The following ANK2 variants were observed in gnomAD, a reference collection of about 807,000 sequenced individuals.
The protein encoded by ANK2 is ankyrin 2.
In ANK2, 83 loss-of-function variants were observed where a neutral mutation model predicts 360.5. The observed-to-expected ratio is 0.23, with a 90% CI of 0.19 to 0.28. The LOEUF is 0.28. Among genes scored for constraint, ANK2 ranks in the 10% least tolerant of loss-of-function variants. The pLI, the probability that ANK2 is intolerant of heterozygous loss-of-function variation, is 1.00. For synonymous variants in ANK2, 1,740 were observed against 1,759.5 expected, an observed-to-expected ratio of 0.99 and a Z score of 0.28; for missense variants, 4,201 against 4,795.7, an observed-to-expected ratio of 0.88 and a Z score of 3.66.
the ANK2 span, among the ~76,000 whole-genome samples, chr4:112,795,737 C>T: frequency 1.3e-5 from 2 of 150,736 alleles, no homozygotes; most frequent in South Asian, 2.1e-4. Flanking sequence ...CTCCTGACCT[C>T]GTGATCCACC....
chr4:112,914,239 G>A (rs898684411), intron 2 of ANK2, among the ~76,000 whole-genome samples: 5 of 152,098 alleles, frequency 3.3e-5, no homozygotes, highest in Admixed American at 6.5e-5. Flanking sequence ...AGATAATAAT[G>A]AAAAACCCAT....
chr4:113,033,300 A>G (rs1475136909), intron 2 of ANK2, among the ~76,000 whole-genome samples: 1 of 151,998 alleles, frequency 6.6e-6, no homozygotes, highest in African/African-American at 2.4e-5. Flanking sequence ...AGACACTGCA[A>G]TTCAGGAAAA....
chr4:112,832,045 G>C (rs931323720), intron 1 of ANK2, among the ~76,000 whole-genome samples: 7 of 152,156 alleles, frequency 4.6e-5, no homozygotes, highest in African/African-American at 1.7e-4. Flanking sequence ...AAGTCAGCGA[G>C]ACCAAGAACC....
chr4:112,731,119 G>A, the ANK2 span, among the ~76,000 whole-genome samples: 2 of 150,612 alleles, frequency 1.3e-5, no homozygotes, highest in East Asian at 1.9e-4. Flanking sequence ...CCAGTCTGGC[G>A]ACAGAGCAAG....
At chr4:113,317,948 G>A in intron 25 of ANK2, 139 bp downstream of exon 25, 3 of 790,490 alleles carry the variant, frequency 3.8e-6, no homozygotes, top group Non-Finnish European at 6.4e-6. Flanking sequence ...TAAGAGATTT[G>A]AGGGTTTTCC....
At chr4:113,105,787 A>AC (rs2093549351) in intron 1 of ANK2, among the ~76,000 whole-genome samples, 1 of 152,178 alleles carries the variant, frequency 6.6e-6, no homozygotes. Flanking sequence ...ACCTGATCAT[A>AC]TTGTATTACT....
At chr4:113,024,441 T>C (rs1416206050) in intron 2 of ANK2, among the ~76,000 whole-genome samples, 1 of 152,158 alleles carries the variant, frequency 6.6e-6, no homozygotes, top group Non-Finnish European at 1.5e-5. Context: ...TTTTAAAGGA[T>C]ACAAAAATTT....
intron 26 of ANK2, among the ~76,000 whole-genome samples, chr4:113,327,540 C>T (rs561760297): frequency 6.6e-6 from 1 of 152,298 alleles, no homozygotes; most frequent in Non-Finnish European, 1.5e-5. Context: ...GTTGTACATT[C>T]GCTTATTCAA....
At chr4:113,209,124 C>T (rs1231498120) in intron 4 of ANK2, among the ~76,000 whole-genome samples, 2 of 151,882 alleles carry the variant, frequency 1.3e-5, no homozygotes, top group East Asian at 1.9e-4. Context: ...AGATGATTGA[C>T]ACTTTTATAC....
At chr4:112,923,918 T>C (rs1248677676) in intron 2 of ANK2, among the ~76,000 whole-genome samples, 1 of 152,230 alleles carries the variant, frequency 6.6e-6, no homozygotes, top group Admixed American at 6.5e-5. Context: ...AACACTTTAG[T>C]CGCACCTCTG....
At chr4:113,152,065 C>CAAAAAAAAAAAAAAAAAAA (rs1232657248) in intron 1 of ANK2, among the ~76,000 whole-genome samples, 1 of 62,316 alleles carries the variant, frequency 1.6e-5, no homozygotes, top group Non-Finnish European at 2.8e-5. Flanking sequence ...GTCTCTGTCT[C>CAAAAAAAAAAAAAAAAAAA]AAAAAAAAAA....
chr4:113,330,577 A>C, intron 27 of ANK2, 107 bp downstream of exon 27: 2 of 1,139,314 alleles, frequency 1.8e-6, no homozygotes, highest in Non-Finnish European at 2.6e-6. Context: ...ATTTTGAAAG[A>C]GGATCAGCAC....
At chr4:113,000,958 G>A (rs565988598) in intron 2 of ANK2, among the ~76,000 whole-genome samples, 80 of 152,256 alleles carry the variant, frequency 5.3e-4, no homozygotes, top group African/African-American at 1.9e-3. Context: ...TTGAGCTCAT[G>A]TCTGAGATAG....
chr4:112,769,154 G>A, the ANK2 span, among the ~76,000 whole-genome samples: 2 of 151,982 alleles, frequency 1.3e-5, no homozygotes, highest in African/African-American at 2.4e-5. Flanking sequence ...CATATGTCTC[G>A]TACATGCATA....
chr4:112,791,476 CTTCTTTT>C, the ANK2 span, among the ~76,000 whole-genome samples: 5 of 98,288 alleles, frequency 5.1e-5, no homozygotes, highest in African/African-American at 1.9e-4. Context: ...TCTTCTTCTT[CTTCTTTT>C]TTTTTTTTTT....
At chr4:112,779,907 G>T in the ANK2 span, among the ~76,000 whole-genome samples, 873 of 152,256 alleles carry the variant, frequency 5.7e-3, 5 homozygotes, top group African/African-American at 0.02. Context: ...TGTGCTCAGA[G>T]CCCCTTCCAC....
intron 2 of ANK2, among the ~76,000 whole-genome samples, chr4:113,030,803 G>A (rs886073584): frequency 1.3e-5 from 2 of 152,016 alleles, no homozygotes; most frequent in African/African-American, 2.4e-5. Flanking sequence ...AAAGAAGGCC[G>A]TAGATGAGTA....
At chr4:113,307,554 T>C (rs2077829082) in intron 23 of ANK2, among the ~76,000 whole-genome samples, 1 of 151,874 alleles carries the variant, frequency 6.6e-6, no homozygotes, top group South Asian at 2.1e-4. Flanking sequence ...ACTACAGGTG[T>C]ATGCCACCAT....
At position 113,353,070 on chromosome 4, in the gene ANK2, A is replaced by G. The variant is rs751407813; in HGVS notation, c.4452A>G (p.Thr1484=). 8.1e-6 allele frequency: 13 copies of G among 1,613,748 alleles called. No homozygotes were observed. Among genetic ancestry groups the G allele is most frequent in the Non-Finnish European group, 1.0e-5 (12 of 1,179,722 alleles). ...EKNDETESTE[T]SVLKSHLVNE... Reference sequence around the variant, plus strand: ...ATGATGAGACAGAATCTACAGAAACATCTGTCCTGAAAAGTCACCTGGTTA... The same window carrying G: ...ATGATGAGACAGAATCTACAGAAACGTCTGTCCTGAAAAGTCACCTGGTTA... The change falls in exon 38 of 46, where the codon ACA becomes ACG. Residue 1484 remains threonine (T), a synonymous_variant. Coordinates refer to ENST00000357077, the MANE Select transcript of ANK2 (RefSeq NM_001148.6).
Sources: gnomAD v4.1 joint callset for allele counts (sites outside exome capture counted in the v4.1 genomes callset) on GRCh38, gnomAD v4.1.1 for gene constraint, MANE v1.5 for transcripts, NCBI Gene and HGNC (gene_info 2026-07-23, HGNC 2026-07-21) for gene names.